Variants in FRMD4A observed in about 807,000 individuals in gnomAD.
The protein encoded by FRMD4A is FERM domain containing 4A.
A neutral mutation model predicts 129.1 loss-of-function variants in FRMD4A; 29 were observed. That is an observed-to-expected ratio of 0.22 (90% CI 0.17 to 0.31). The LOEUF (loss-of-function observed/expected upper bound fraction) is 0.31. FRMD4A is among the 10% of genes least tolerant of loss of function. The pLI, the probability that FRMD4A is intolerant of heterozygous loss-of-function variation, is 1.00. For missense variants in FRMD4A, 1,272 were observed against 1,375.8 expected, an observed-to-expected ratio of 0.92 and a Z score of 1.19; for synonymous variants, 634 against 571.6, an observed-to-expected ratio of 1.11 and a Z score of -1.56.
At chr10:13,744,105 G>A (rs1168327737) in intron 9 of FRMD4A, among the ~76,000 whole-genome samples, 1 of 152,164 alleles carries the variant, frequency 6.6e-6, no homozygotes, top group Admixed American at 6.5e-5. Context: ...GTGATGGAAG[G>A]GGAAACAGGG....
intron 15 of FRMD4A, among the ~76,000 whole-genome samples, chr10:13,687,190 G>C (rs1337871699): frequency 1.3e-5 from 2 of 152,194 alleles, no homozygotes; most frequent in Non-Finnish European, 2.9e-5. Flanking sequence ...AGCTGCTCAG[G>C]AGGCTGAGGC....
At chr10:13,718,391 G>A (rs923094292) in intron 12 of FRMD4A, among the ~76,000 whole-genome samples, 2 of 152,266 alleles carry the variant, frequency 1.3e-5, no homozygotes, top group African/African-American at 4.8e-5. Context: ...CCCCGCTCCA[G>A]CCTGGACTTT....
At chr10:14,267,866 T>C (rs1373563838) in intron 2 of FRMD4A, among the ~76,000 whole-genome samples, 1 of 152,226 alleles carries the variant, frequency 6.6e-6, no homozygotes, top group East Asian at 1.9e-4. Flanking sequence ...GATTGTTTTA[T>C]AGGAAATAAT....
rs539134013 is a variant in FRMD4A, at chr10:13,811,925, C to T, written c.112-1017G>A. Among the ~76,000 whole-genome samples, 47 of 150,252 alleles carry T rather than the reference C, an allele frequency of 3.1e-4. No homozygotes were observed. The South Asian group carries it at 1.0e-2, about 32-fold the overall frequency. On this transcript the variant is annotated intron_variant, in intron 3 of 24. Coordinates refer to ENST00000357447, the MANE Select transcript of FRMD4A (RefSeq NM_018027.5). The stretch of plus-strand genomic sequence containing the variant: ...TTGAGATGGAGTCTCGCTCTGTCAC[C>T]AGGCTGGTGTGCAGTAGTGCGATCT...
At chr10:14,018,768 G>C (rs1255428348) in intron 2 of FRMD4A, among the ~76,000 whole-genome samples, 1 of 152,196 alleles carries the variant, frequency 6.6e-6, no homozygotes, top group African/African-American at 2.4e-5. Flanking sequence ...ACAGACTACA[G>C]GAAGGATGGT....
chr10:13,870,562 G>A (rs2094427861), intron 2 of FRMD4A, among the ~76,000 whole-genome samples: 1 of 152,204 alleles, frequency 6.6e-6, no homozygotes, highest in Non-Finnish European at 1.5e-5. Flanking sequence ...GTGACCCAAG[G>A]AGCCGTGGTC....
intron 21 of FRMD4A, among the ~76,000 whole-genome samples, chr10:13,658,149 A>AT (rs1314671739): frequency 1.3e-5 from 2 of 150,960 alleles, no homozygotes; most frequent in East Asian, 3.9e-4. Flanking sequence ...AAAAAAAAAA[A>AT]AAAAAAAAGA....
At chr10:14,052,770 G>A (rs1834323249) in intron 2 of FRMD4A, among the ~76,000 whole-genome samples, 1 of 151,802 alleles carries the variant, frequency 6.6e-6, no homozygotes, top group Admixed American at 6.6e-5. Context: ...CACCATGTTG[G>A]TCAGGCTGGT....
At chr10:14,252,117 C>T (rs1293883040) in intron 2 of FRMD4A, among the ~76,000 whole-genome samples, 1 of 152,184 alleles carries the variant, frequency 6.6e-6, no homozygotes, top group Non-Finnish European at 1.5e-5. Flanking sequence ...ATCCTAGATT[C>T]CTCAAATGTT....
intron 2 of FRMD4A, among the ~76,000 whole-genome samples, chr10:13,994,187 T>G (rs1588702296): frequency 6.8e-6 from 1 of 146,236 alleles, no homozygotes; most frequent in Non-Finnish European, 1.5e-5. Context: ...TTTTTTTTTT[T>G]TTTTTTTTTT....
Position 13,821,196 on chromosome 10 carries a change from C to T in FRMD4A, c.112-10288G>A, listed in dbSNP as rs928742876. Among the ~76,000 whole-genome samples the T allele has an allele frequency of 1.3e-5, 2 of 152,182 alleles. No individual in the cohort carries two copies. The highest frequency in any genetic ancestry group is 2.4e-5 in the African/African-American group (1 of 41,536). On this transcript the variant is annotated intron_variant, in intron 3 of 24. Coordinates refer to ENST00000357447, the MANE Select transcript of FRMD4A (RefSeq NM_018027.5). The surrounding 1 kb of genome is among the most constrained non-coding windows in gnomAD (Gnocchi z 4.3). ...CCACTGTGTGGCCAGCAGGTCTGGG[C>T]GGCGACTCCCCTCCTTGTCGCCCTG...
intron 2 of FRMD4A, among the ~76,000 whole-genome samples, chr10:13,888,542 C>T (rs537847261): frequency 6.6e-6 from 1 of 152,238 alleles, no homozygotes; most frequent in South Asian, 2.1e-4. Context: ...TAAGAGAACT[C>T]CTGTTTTAGC....
intron 2 of FRMD4A, among the ~76,000 whole-genome samples, chr10:14,235,405 C>G (rs957920988): frequency 2.6e-5 from 4 of 152,048 alleles, no homozygotes; most frequent in Non-Finnish European, 5.9e-5. Context: ...ACCTCGGTCT[C>G]CCAAAGTGCT....
chr10:14,240,764 T>G (rs1159311053), intron 2 of FRMD4A, among the ~76,000 whole-genome samples: 1 of 152,208 alleles, frequency 6.6e-6, no homozygotes, highest in Non-Finnish European at 1.5e-5. Flanking sequence ...AACATTCGGC[T>G]TCATTCTCTT....
At chr10:14,073,833 A>G (rs1012185318) in intron 2 of FRMD4A, among the ~76,000 whole-genome samples, 1 of 152,114 alleles carries the variant, frequency 6.6e-6, no homozygotes, top group Non-Finnish European at 1.5e-5. Context: ...TAAATTTTGC[A>G]TAGGGCGGTG....
intron 6 of FRMD4A, among the ~76,000 whole-genome samples, chr10:13,770,636 GT>G (rs949238774): frequency 2.0e-5 from 3 of 151,888 alleles, no homozygotes; most frequent in African/African-American, 7.3e-5. Context: ...AGAGATGGGG[GT>G]CTCACTATGT....
chr10:13,689,198 CGGGGGGGGGGGGGGGG>C (rs61670615), intron 15 of FRMD4A, among the ~76,000 whole-genome samples: 1 of 68,028 alleles, frequency 1.5e-5, no homozygotes, highest in Non-Finnish European at 3.2e-5. Flanking sequence ...AAACTCTTTG[CGGGGGGGGGGGGGGGG>C]GGGGGGAGGG....
At chr10:13,763,057 G>C (rs981397404) in intron 6 of FRMD4A, among the ~76,000 whole-genome samples, 18 of 152,098 alleles carry the variant, frequency 1.2e-4, no homozygotes, top group African/African-American at 4.3e-4. Flanking sequence ...AGAACATCTT[G>C]AGTCTCTGAG....
At chr10:13,690,897 T>C (rs1275149059) in intron 15 of FRMD4A, among the ~76,000 whole-genome samples, 2 of 152,226 alleles carry the variant, frequency 1.3e-5, no homozygotes, top group Non-Finnish European at 2.9e-5. Flanking sequence ...AGGATTTCTC[T>C]TCTAGCCCAC....
Sources: gnomAD v4.1 joint callset for allele counts (sites outside exome capture counted in the v4.1 genomes callset) on GRCh38, gnomAD v4.1.1 for gene constraint, Gnocchi (gnomAD v3.1) non-coding constraint, MANE v1.5 for transcripts, NCBI Gene and HGNC (gene_info 2026-07-23, HGNC 2026-07-21) for gene names.